Variants in COMMD10 observed in about 807,000 individuals in gnomAD.
The protein encoded by COMMD10 is COMM domain-containing protein 10.
COMMD10 carries 33 observed loss-of-function variants against 28.9 expected under a neutral mutation model. That is an observed-to-expected ratio of 1.14 (90% confidence interval 0.87 to 1.53). The LOEUF is 1.53. COMMD10 is among the 40% of genes most tolerant of loss of function. The probability of loss-of-function intolerance (pLI) is 0.00; values close to 1 mark genes in which losing one functional copy is unlikely to be tolerated. For synonymous variants in COMMD10, 110 were observed against 81.7 expected, an observed-to-expected ratio of 1.35 and a Z score of -1.87; for missense variants, 310 against 233.4, an observed-to-expected ratio of 1.33 and a Z score of -2.14.
intron 5 of COMMD10, among the ~76,000 whole-genome samples, chr5:116,205,426 C>G (rs966077576): frequency 6.6e-6 from 1 of 152,172 alleles, no homozygotes; most frequent in African/African-American, 2.4e-5. Flanking sequence ...AAGCAGTAAT[C>G]ATTCTTTACC....
intron 5 of COMMD10, among the ~76,000 whole-genome samples, chr5:116,243,164 A>G (rs1220068815): frequency 6.6e-6 from 1 of 152,176 alleles, no homozygotes; most frequent in Non-Finnish European, 1.5e-5. Flanking sequence ...CACTATGAAT[A>G]TAGAAAAGTA....
At chr5:116,203,846 A>G (rs1349600834) in intron 5 of COMMD10, among the ~76,000 whole-genome samples, 1 of 152,094 alleles carries the variant, frequency 6.6e-6, no homozygotes, top group Non-Finnish European at 1.5e-5. Context: ...GGAGCACAAT[A>G]ACCAGCTAAC....
intron 4 of COMMD10, among the ~76,000 whole-genome samples, chr5:116,107,490 G>A (rs1750880397): frequency 6.6e-6 from 1 of 151,998 alleles, no homozygotes; most frequent in Non-Finnish European, 1.5e-5. Flanking sequence ...ACTTGTGTAT[G>A]CTTCATGAAG....
intron 5 of COMMD10, among the ~76,000 whole-genome samples, chr5:116,196,889 G>T (rs1358568854): frequency 6.6e-6 from 1 of 152,006 alleles, no homozygotes; most frequent in Non-Finnish European, 1.5e-5. Flanking sequence ...AAAATTAATG[G>T]ATATTGTTTT....
chr5:116,128,124 A>G (rs1170283430), intron 4 of COMMD10, among the ~76,000 whole-genome samples: 1 of 152,080 alleles, frequency 6.6e-6, no homozygotes, highest in Non-Finnish European at 1.5e-5. Context: ...TGGTAAATTT[A>G]CATTTTCTTT....
chr5:116,275,453 G>C (rs948049970), intron 5 of COMMD10, among the ~76,000 whole-genome samples: 4 of 151,722 alleles, frequency 2.6e-5, no homozygotes, highest in African/African-American at 9.7e-5. Context: ...TTTGTTCTCT[G>C]TGCCCTATAC....
Position 116,182,023 on chromosome 5 carries a change from T to G in COMMD10, c.510+47845T>G, listed in dbSNP as rs542699760. Among the ~76,000 whole-genome samples, 5 of 152,128 alleles carry G rather than the reference T, an allele frequency of 3.3e-5. No individual in the cohort carries two copies. The South Asian group carries it at 1.0e-3, about 32-fold the overall frequency. ...AACAGACAAATTATGTAGTTGCCAG[T>G]TGAAATATGTCATGTGAAGGACAAG... is the stretch of plus-strand genomic sequence containing the variant. On this transcript the variant is annotated intron_variant, in intron 5 of 6. Coordinates refer to ENST00000274458, the MANE Select transcript of COMMD10 (RefSeq NM_016144.4).
chr5:116,118,197 CT>C (rs565042248), intron 4 of COMMD10, among the ~76,000 whole-genome samples: 75 of 152,306 alleles, frequency 4.9e-4, no homozygotes, highest in African/African-American at 1.8e-3. Context: ...GTCAGTGAAT[CT>C]TTCCCTGATA....
chr5:116,265,676 T>G (rs996349132), intron 5 of COMMD10, among the ~76,000 whole-genome samples: 1 of 151,794 alleles, frequency 6.6e-6, no homozygotes, highest in Non-Finnish European at 1.5e-5. Flanking sequence ...TGACAGTGAT[T>G]GCAAACACTT....
chr5:116,195,822 CAT>C lies in COMMD10; in HGVS notation c.510+61647_510+61648del, dbSNP rs1326853495. Reference sequence around the variant, plus strand: ...GAAAATATAACAAATGGCCAACAAACATATGAAAAAATGCTCAGCATCACTAA... The same window carrying C: ...GAAAATATAACAAATGGCCAACAAACATGAAAAAATGCTCAGCATCACTAA... On this transcript the variant is annotated intron_variant, in intron 5 of 6. Transcript: ENST00000274458. Among the ~76,000 whole-genome samples, 21 of 152,106 alleles carry C rather than the reference CAT, an allele frequency of 1.4e-4. 1 individual carries two copies. Among genetic ancestry groups the C allele is most frequent in the South Asian group, 1.0e-3 (5 of 4,814 alleles).
chr5:116,260,059 T>C (rs899638802), intron 5 of COMMD10, among the ~76,000 whole-genome samples: 4 of 151,782 alleles, frequency 2.6e-5, no homozygotes, highest in Admixed American at 6.6e-5. Context: ...TTCTTTCTTC[T>C]TTTTAGTAAT....
chr5:116,199,375 T>C (rs1748606802), intron 5 of COMMD10, among the ~76,000 whole-genome samples: 1 of 152,154 alleles, frequency 6.6e-6, no homozygotes, highest in Non-Finnish European at 1.5e-5. Flanking sequence ...AGACATGTGA[T>C]TTGCAGATAT....
intron 5 of COMMD10, among the ~76,000 whole-genome samples, chr5:116,190,934 T>C (rs1335729808): frequency 6.6e-6 from 1 of 152,186 alleles, no homozygotes; most frequent in African/African-American, 2.4e-5. Flanking sequence ...ATTAAACATA[T>C]TACCAAATTT....
At chr5:116,139,351 T>A (rs1277417961) in intron 5 of COMMD10, among the ~76,000 whole-genome samples, 1 of 144,288 alleles carries the variant, frequency 6.9e-6, no homozygotes. Flanking sequence ...CAAATATTAT[T>A]GTAAGGGCTA....
intron 4 of COMMD10, among the ~76,000 whole-genome samples, chr5:116,121,431 G>A (rs548615407): frequency 3.9e-5 from 6 of 152,162 alleles, no homozygotes; most frequent in East Asian, 3.9e-4. Flanking sequence ...GAATAGTGCC[G>A]CAGTAAACAT....
At chr5:116,142,500 A>G (rs753264877) in intron 5 of COMMD10, among the ~76,000 whole-genome samples, 1 of 151,856 alleles carries the variant, frequency 6.6e-6, no homozygotes, top group Admixed American at 6.6e-5. Flanking sequence ...AAAACAAAAC[A>G]TCTTATTTAG....
intron 5 of COMMD10, among the ~76,000 whole-genome samples, chr5:116,191,338 C>T (rs1283900364): frequency 1.3e-5 from 2 of 152,026 alleles, no homozygotes; most frequent in Non-Finnish European, 2.9e-5. Flanking sequence ...GCACACTCAA[C>T]AGGTGGGGGA....
At chr5:116,135,340 G>C (rs1176209456) in intron 5 of COMMD10, among the ~76,000 whole-genome samples, 1 of 152,082 alleles carries the variant, frequency 6.6e-6, no homozygotes, top group East Asian at 1.9e-4. Flanking sequence ...GCAGGTTTCT[G>C]GCTTCTTTAA....
intron 4 of COMMD10, among the ~76,000 whole-genome samples, chr5:116,131,114 A>C (rs1477449878): frequency 6.6e-6 from 1 of 151,910 alleles, no homozygotes; most frequent in Non-Finnish European, 1.5e-5. Context: ...CCACTAACTC[A>C]ATATTTGACA....
Sources: gnomAD v4.1 joint callset for allele counts (sites outside exome capture counted in the v4.1 genomes callset) on GRCh38, gnomAD v4.1.1 for gene constraint, MANE v1.5 for transcripts, NCBI Gene and HGNC (gene_info 2026-07-23, HGNC 2026-07-21) for gene names.